Variants in LIPF observed in about 807,000 individuals in gnomAD.
LIPF encodes the protein lipase F, gastric type.
Under a neutral mutation model 38.0 loss-of-function variants are expected in LIPF, and 25 were observed. That is an observed-to-expected ratio of 0.66 (90% CI 0.48 to 0.92). The LOEUF is 0.92. Among genes scored for constraint, LIPF ranks in the 40% least tolerant of loss-of-function variants. LIPF has a pLI of 0.00. For synonymous variants in LIPF, 161 were observed against 156.2 expected, an observed-to-expected ratio of 1.03 and a Z score of -0.23; for missense variants, 410 against 469.9, an observed-to-expected ratio of 0.87 and a Z score of 1.18.
rs1438388534 is a variant in LIPF, at chr10:88,665,515, C to T, written c.-12+1024C>T. 10 of 1,532,676 alleles carry T rather than the reference C, an allele frequency of 6.5e-6. No homozygotes were observed. In the South Asian group the frequency reaches 8.3e-5, roughly 13 times the overall value. The allele number at this position is 1,532,676 out of a possible 1,614,324, so 94.9% of individuals were successfully genotyped here. A position where few individuals can be genotyped will look rare whatever the true frequency, so the allele number is the denominator to read the frequency against. On this transcript the variant is annotated intron_variant, in intron 1 of 9. Transcript: ENST00000238983. ...AAGCATTTTGAGAAATTTATTCTGCCCTTGAACATCTTTGAGCCCATTGAG... is the reference window on the plus strand; with the variant it reads ...AAGCATTTTGAGAAATTTATTCTGCTCTTGAACATCTTTGAGCCCATTGAG...
At position 88,668,615 on chromosome 10, in the gene LIPF, T is replaced by C. The variant is rs1483303550; in HGVS notation, c.281T>C (p.Ile94Thr). 6.2e-7 allele frequency: 1 copy of C among 1,614,194 alleles called. No individual in the cohort carries two copies. Among genetic ancestry groups the C allele is most frequent in the South Asian group, 1.1e-5 (1 of 91,086 alleles). Residue 94 changes from isoleucine (I) to threonine (T), a missense_variant, in exon 4 of 10, where the codon ATT (isoleucine) becomes ACT (threonine). Physicochemically the swap from Ile to Thr is moderately conservative, Grantham distance 89. Coordinates refer to ENST00000238983, the MANE Select transcript of LIPF (RefSeq NM_004190.4). ...TTGCTTGCATCAGCCACAAACTGGA[T>C]TTCCAACCTGCCGAACAACAGCCTT... is the stretch of plus-strand genomic sequence containing the variant. Reference protein sequence around the residue: ...HGLLASATNWISNLPNNSLAF... With the variant: ...HGLLASATNWTSNLPNNSLAF...
chr10:88,668,565 A>G lies in LIPF; in HGVS notation c.231A>G (p.Arg77=). 1 of 1,614,096 alleles carries G rather than the reference A, an allele frequency of 6.2e-7. No individual in the cohort carries two copies. Among genetic ancestry groups the G allele is most frequent in the Non-Finnish European group, 8.5e-7 (1 of 1,179,944 alleles). Residue 77 remains arginine, a synonymous_variant, in exon 4 of 10, where the codon AGA becomes AGG. Transcript: ENST00000238983. ...AAACATTTTCTTCCTTAGGCCAGAGACCTGTTGTGTTTTTGCAGCATGGTT... is the reference window on the plus strand; with the variant it reads ...AAACATTTTCTTCCTTAGGCCAGAGGCCTGTTGTGTTTTTGCAGCATGGTT... ...GKKNSGNTGQ[R]PVVFLQHGLL... is the part of the protein sequence containing the mutation.
At chr10:88,665,927 C>G (rs1477262854) in intron 1 of LIPF, among the ~76,000 whole-genome samples, 1 of 151,846 alleles carries the variant, frequency 6.6e-6, no homozygotes, top group Non-Finnish European at 1.5e-5. Flanking sequence ...TTAGTAGAGA[C>G]GTGGTTTCAC....
intron 6 of LIPF, among the ~76,000 whole-genome samples, chr10:88,672,707 C>T (rs1038373793): frequency 3.4e-5 from 5 of 149,156 alleles, no homozygotes; most frequent in South Asian, 2.1e-4. Flanking sequence ...TTTAGGGGAA[C>T]GGTTTAGCCT....
chr10:88,672,096 C>T, intron 6 of LIPF, 131 bp downstream of exon 6: 1 of 870,014 alleles, frequency 1.1e-6, no homozygotes, highest in Non-Finnish European at 1.7e-6. Flanking sequence ...CTGTTCGCAT[C>T]TGTATTATTT....
In LIPF at chr10:88,678,717, A is replaced by C. The variant is rs1411961366; in HGVS notation, c.*36A>C. 1 of 1,385,332 alleles carries C rather than the reference A, an allele frequency of 7.2e-7. No homozygotes were observed. The highest frequency in any genetic ancestry group is 2.3e-5 in the East Asian group (1 of 43,730). The allele number at this position is 1,385,332 out of a possible 1,614,324, so 85.8% of individuals were successfully genotyped here. A position where few individuals can be genotyped will look rare whatever the true frequency, so the allele number is the denominator to read the frequency against. On this transcript the variant is annotated 3_prime_UTR_variant, in exon 10 of 10. Coordinates refer to ENST00000238983, the MANE Select transcript of LIPF (RefSeq NM_004190.4). ...AAAGAATTATCCGTTTGTTTTTCCA[A>C]AATACTTTATTCTCTCATACATAGT...
chr10:88,668,493 T>C (rs1841547075), intron 3 of LIPF, 65 bp from the exon 4 acceptor site: 4 of 1,430,306 alleles, frequency 2.8e-6, no homozygotes, highest in African/African-American at 1.4e-5. Context: ...AGACTGTTTC[T>C]AGCCTCACAT....
chr10:88,672,060 A>T, intron 6 of LIPF, 95 bp downstream of exon 6: 1 of 1,186,072 alleles, frequency 8.4e-7, no homozygotes, highest in Non-Finnish European at 1.2e-6. Flanking sequence ...AAAAGAGAAC[A>T]ATCATTTTTA....
At chr10:88,675,561 AAT>A in intron 7 of LIPF, 23 bp from the exon 8 acceptor site, 1 of 1,540,172 alleles carries the variant, frequency 6.5e-7, no homozygotes, top group African/African-American at 1.4e-5. Context: ...GTATGTATAT[AAT>A]ATGTGTGTCT....
intron 8 of LIPF, 112 bp downstream of exon 8, chr10:88,675,769 C>A: frequency 1.6e-6 from 1 of 611,468 alleles, no homozygotes; most frequent in South Asian, 2.6e-5. Flanking sequence ...GGTAATTTTT[C>A]TGGCACTGAC....
chr10:88,673,865 A>T, intron 7 of LIPF, 131 bp downstream of exon 7: 1 of 706,368 alleles, frequency 1.4e-6, no homozygotes, highest in East Asian at 2.6e-5. Context: ...AACATGAGAG[A>T]AATCACAAAT....
intron 4 of LIPF, 133 bp downstream of exon 4, chr10:88,668,889 A>G: frequency 2.7e-6 from 2 of 740,472 alleles, no homozygotes; most frequent in Non-Finnish European, 4.4e-6. Context: ...ATTCTAATCC[A>G]TTCTTGGATT....
intron 5 of LIPF, among the ~76,000 whole-genome samples, 168 bp downstream of exon 5, chr10:88,670,114 C>G (rs1192794784): frequency 6.6e-6 from 1 of 152,134 alleles, no homozygotes; most frequent in Non-Finnish European, 1.5e-5. Flanking sequence ...GAAAACAAAA[C>G]AAGGGGATAC....
rs757093902 is a variant in LIPF, at chr10:88,678,611, T to C, written c.1127T>C (p.Ile376Thr). ...CCTTTTTACAATCACTTGGACTTTA[T>C]CTGGGCAATGGATGCCCCTCAAGAA... is the stretch of plus-strand genomic sequence containing the variant. ...EIPFYNHLDF[I>T]WAMDAPQEVY... The change falls in exon 10 of 10, where the codon ATC becomes ACC. Residue 376 changes from isoleucine (I) to threonine (T), a missense_variant. Coordinates refer to ENST00000238983, the MANE Select transcript of LIPF (RefSeq NM_004190.4). 9.9e-6 allele frequency: 16 copies of C among 1,613,920 alleles called. No homozygotes were observed. The East Asian group carries it at 3.6e-4, about 36-fold the overall frequency.
intron 5 of LIPF, among the ~76,000 whole-genome samples, chr10:88,670,644 C>T (rs1006825502): frequency 1.4e-4 from 21 of 152,206 alleles, no homozygotes; most frequent in Admixed American, 1.2e-3. Context: ...GAGGCTATGC[C>T]TTGTGTGGAT....
chr10:88,665,724 T>C (rs900301883), intron 1 of LIPF, among the ~76,000 whole-genome samples: 5 of 150,720 alleles, frequency 3.3e-5, no homozygotes, highest in African/African-American at 1.2e-4. Context: ...AAACAAGGCT[T>C]AGTTAAAAAC....
chr10:88,669,614 T>C (rs1841564364), intron 4 of LIPF: 1 of 398,836 alleles, frequency 2.5e-6, no homozygotes, highest in African/African-American at 2.0e-5. Flanking sequence ...ACTATCTTGT[T>C]TGGATTCAAT....
chr10:88,672,062 T>C, intron 6 of LIPF, 97 bp downstream of exon 6: 3 of 1,167,412 alleles, frequency 2.6e-6, no homozygotes, highest in Non-Finnish European at 3.6e-6. Context: ...AAGAGAACAA[T>C]CATTTTTATA....
intron 1 of LIPF, among the ~76,000 whole-genome samples, chr10:88,664,767 A>T (rs1316008955): frequency 6.6e-6 from 1 of 152,248 alleles, no homozygotes; most frequent in African/African-American, 2.4e-5. Context: ...TTGAATTACA[A>T]ATTTGTTTAT....
Sources: gnomAD v4.1 joint callset for allele counts (sites outside exome capture counted in the v4.1 genomes callset) on GRCh38, gnomAD v4.1.1 for gene constraint, MANE v1.5 for transcripts, NCBI Gene and HGNC (gene_info 2026-07-23, HGNC 2026-07-21) for gene names.